The following MYCN variants were observed in gnomAD, a reference collection of about 807,000 sequenced individuals.
The protein encoded by MYCN is MYCN proto-oncogene, bHLH transcription factor, also known as N-myc proto-oncogene protein.
In MYCN, 3 loss-of-function variants were observed where a neutral mutation model predicts 28.1. The observed-to-expected ratio is 0.11, with a 90% CI of 0.05 to 0.28. The LOEUF is 0.28. MYCN is among the 10% of genes least tolerant of loss of function. MYCN has a pLI of 1.00. For synonymous variants in MYCN, 326 were observed against 288.3 expected (o/e 1.13, Z -1.32); for missense variants, 572 against 651.4 (o/e 0.88, Z 1.33).
chr2:15,941,879 G>C lies in MYCN; in HGVS notation c.-117-69G>C. 1.5e-6 allele frequency: 1 copy of C among 656,358 alleles called. No individual in the cohort carries two copies. The highest frequency in any genetic ancestry group is 1.9e-5 in the South Asian group (1 of 53,292). 40.7% of individuals were successfully genotyped at this position (656,358 alleles called of 1,614,324 possible). On this transcript the variant is annotated intron_variant, in intron 1 of 2. Transcript: ENST00000281043. The surrounding 1 kb of genome is among the most constrained non-coding windows in gnomAD (Gnocchi z 4.8). ...AAGATTGGGGAACCTGGTTAGAGGG[G>C]GCGCCCATTGCCTATCCCCTCGGTC...
In MYCN at chr2:15,942,664, C is replaced by G; in HGVS notation, c.600C>G (p.Arg200=). ...AVVFPFPVNK[R]EPAPVPAAPA... ...TCTTCCCCTTTCCCGTGAACAAGCG[C>G]GAGCCAGCGCCCGTGCCCGCAGCCC... The change falls in exon 2 of 3, where the codon CGC becomes CGG. Residue 200 remains arginine, a synonymous_variant. Transcript: ENST00000281043. This position sits in a 1 kb window ranked among gnomAD's most constrained non-coding sequence, Gnocchi z 7.0. 8.6e-7 allele frequency: 1 copy of G among 1,167,324 alleles called. No individual in the cohort carries two copies. Among genetic ancestry groups the G allele is most frequent in the Non-Finnish European group, 1.1e-6 (1 of 944,524 alleles). 72.3% of individuals were successfully genotyped at this position (1,167,324 alleles called of 1,614,324 possible). A position where few individuals can be genotyped will look rare whatever the true frequency, so the allele number is the denominator to read the frequency against.
At chr2:15,943,222 G>T (rs143746626) in intron 2 of MYCN, among the ~76,000 whole-genome samples, 51 of 152,180 alleles carry the variant, frequency 3.4e-4, no homozygotes, top group African/African-American at 1.1e-3. Context: ...GGGTTGCTGG[G>T]TGCACTGCCT....
rs1260679833 is a variant in MYCN at position 15,941,422 on chromosome 2, C to CT, written c.-117-525dup. The stretch of plus-strand genomic sequence containing the variant: ...GGATATGGGTGTCTGTTGTTGGTCT[C>CT]TGTCTAGAGAAAGGCTTTTTTTTAT... On this transcript the variant is annotated intron_variant, in intron 1 of 2. Coordinates refer to ENST00000281043, the MANE Select transcript of MYCN (RefSeq NM_005378.6). This position sits in a 1 kb window ranked among gnomAD's most constrained non-coding sequence, Gnocchi z 4.8. The CT allele has an allele frequency of 6.5e-6, 1 of 153,498 alleles. No individual in the cohort carries two copies. Among genetic ancestry groups the CT allele is most frequent in the East Asian group, 1.9e-4 (1 of 5,226 alleles). 9.5% of individuals were successfully genotyped at this position (153,498 alleles called of 1,614,324 possible).
chr2:15,945,637 G>C lies in MYCN; in HGVS notation c.935G>C (p.Arg312Thr), dbSNP rs200236475. 22 of 1,614,164 alleles carry C rather than the reference G, an allele frequency of 1.4e-5. No individual in the cohort carries two copies. The Admixed American group carries it at 2.7e-4, about 20-fold the overall frequency. The change falls in exon 3 of 3, where the codon AGG becomes ACG. Residue 312 changes from arginine (R) to threonine (T), a missense_variant. Physicochemically the swap from Arg to Thr is moderately conservative, Grantham distance 71 (BLOSUM62 -1). Around this residue, in one of 3 missense-constraint regions of MYCN, gnomAD observed 499 missense variants for 524.3 expected, o/e 0.95. Coordinates refer to ENST00000281043, the MANE Select transcript of MYCN (RefSeq NM_005378.6). This position sits in a 1 kb window ranked among gnomAD's most constrained non-coding sequence, Gnocchi z 4.8. ...RPKNAALGPG[R>T]AQSSELILKR... Reference sequence around the variant, plus strand: ...AAGAACGCAGCCCTGGGTCCCGGGAGGGCTCAGTCCAGCGAGCTGATCCTC... The same window carrying C: ...AAGAACGCAGCCCTGGGTCCCGGGACGGCTCAGTCCAGCGAGCTGATCCTC...
At chr2:15,944,471 G>C (rs1323444655) in intron 2 of MYCN, among the ~76,000 whole-genome samples, 5 of 152,122 alleles carry the variant, frequency 3.3e-5, no homozygotes, top group Admixed American at 3.3e-4. Flanking sequence ...ATGAAAAACT[G>C]TTTATTGTAT....
chr2:15,943,519 G>C (rs1662775823), intron 2 of MYCN, among the ~76,000 whole-genome samples: 3 of 151,930 alleles, frequency 2.0e-5, no homozygotes, highest in African/African-American at 7.3e-5. Context: ...CCAGCAGGCG[G>C]GCCCGGGATC....
At position 15,942,184 on chromosome 2, in the gene MYCN, C is replaced by G. The variant is rs749416324; in HGVS notation, c.120C>G (p.Pro40=). Residue 40 remains proline (P), a synonymous_variant, in exon 2 of 3, where the codon CCC becomes CCG. Coordinates refer to ENST00000281043, the MANE Select transcript of MYCN (RefSeq NM_005378.6). The surrounding 1 kb of genome is among the most constrained non-coding windows in gnomAD (Gnocchi z 7.0). ...PDEDDFYFGG[P]DSTPPGEDIW... is the part of the protein sequence containing the mutation. ...AAGATGACTTCTACTTCGGCGGCCC[C>G]GACTCGACCCCCCCGGGGGAGGACA... 4.3e-6 allele frequency: 7 copies of G among 1,613,768 alleles called. No individual in the cohort carries two copies. The South Asian group carries it at 5.5e-5, about 13-fold the overall frequency.
rs759320806 is a variant in MYCN at position 15,942,440 on chromosome 2, C to T, written c.376C>T (p.Leu126=). ...MWSGFSAREK[L]ERAVSEKLQH... ...GAGCGGCTTCTCCGCCCGCGAGAAG[C>T]TGGAGCGCGCCGTGAGCGAGAAGCT... is the stretch of plus-strand genomic sequence containing the variant. The change falls in exon 2 of 3, where the codon CTG becomes TTG. Residue 126 remains leucine (L), a synonymous_variant. Coordinates refer to ENST00000281043, the MANE Select transcript of MYCN (RefSeq NM_005378.6). The surrounding 1 kb of genome is among the most constrained non-coding windows in gnomAD (Gnocchi z 7.0). 3 of 1,597,946 alleles carry T rather than the reference C, an allele frequency of 1.9e-6. No homozygotes were observed. Among genetic ancestry groups the T allele is most frequent in the Non-Finnish European group, 2.5e-6 (3 of 1,177,600 alleles).
rs1362027588 is a variant in MYCN, at chr2:15,945,420, T to C, written c.791-73T>C. On this transcript the variant is annotated intron_variant, in intron 2 of 2. Transcript: ENST00000281043. This position sits in a 1 kb window ranked among gnomAD's most constrained non-coding sequence, Gnocchi z 4.8. ...GCCGGAAGAGACAGATAAGCATACA[T>C]ATTAACATGGATATATATGTGAATT... 1.3e-6 allele frequency: 2 copies of C among 1,525,264 alleles called. No homozygotes were observed. Among genetic ancestry groups the C allele is most frequent in the Admixed American group, 3.9e-5 (2 of 50,994 alleles). The allele number at this position is 1,525,264 out of a possible 1,614,324, so 94.5% of individuals were successfully genotyped here.
chr2:15,944,799 G>T (rs112085458), intron 2 of MYCN, among the ~76,000 whole-genome samples: 6 of 152,220 alleles, frequency 3.9e-5, no homozygotes, highest in Non-Finnish European at 8.8e-5. Flanking sequence ...GCTTAGAAAG[G>T]CTGGGTAACT....
chr2:15,940,647 GCA>G lies in MYCN; in HGVS notation c.-211_-210del, dbSNP rs1558532321. 5 of 400,356 alleles carry G rather than the reference GCA, an allele frequency of 1.2e-5. No individual in the cohort carries two copies. The highest frequency in any genetic ancestry group is 1.0e-4 in the African/African-American group (5 of 48,810). 24.8% of individuals were successfully genotyped at this position (400,356 alleles called of 1,614,324 possible). A position where few individuals can be genotyped will look rare whatever the true frequency, so the allele number is the denominator to read the frequency against. ...GCAAGCGCTAGCCAGGCGCAAGCGC[GCA>G]CAGACTGTAGCCATCCGAGGACACC... On this transcript the variant is annotated 5_prime_UTR_variant, in exon 1 of 3. An upstream open reading frame in the 5' UTR gains an earlier in-frame stop. Transcript: ENST00000281043.
In MYCN at chr2:15,945,428, T is replaced by C. The variant is rs1399886584; in HGVS notation, c.791-65T>C. The C allele has an allele frequency of 5.9e-6, 9 of 1,532,002 alleles. No individual in the cohort carries two copies. The highest frequency in any genetic ancestry group is 7.1e-6 in the Non-Finnish European group (8 of 1,129,586). The allele number at this position is 1,532,002 out of a possible 1,614,324, so 94.9% of individuals were successfully genotyped here. ...AGACAGATAAGCATACATATTAACA[T>C]GGATATATATGTGAATTTCATTCAA... On this transcript the variant is annotated intron_variant, in intron 2 of 2. Transcript: ENST00000281043. The surrounding 1 kb of genome is among the most constrained non-coding windows in gnomAD (Gnocchi z 4.8).
intron 2 of MYCN, among the ~76,000 whole-genome samples, chr2:15,943,403 C>T (rs1226759665): frequency 4.3e-5 from 6 of 138,402 alleles, no homozygotes; most frequent in Non-Finnish European, 7.7e-5. Context: ...TTTTCTTTTT[C>T]TTTTTTTTTT....
At position 15,946,324 on chromosome 2, in the gene MYCN, A is replaced by AT; in HGVS notation, c.*228dup. On this transcript the variant is annotated 3_prime_UTR_variant, in exon 3 of 3. Coordinates refer to ENST00000281043, the MANE Select transcript of MYCN (RefSeq NM_005378.6). ...CTGCAGCCTCCTCCACCTCACCTCC[A>AT]TGACAGCGCTAAACGTTGGTGACGG... 1 of 603,086 alleles carries AT rather than the reference A, an allele frequency of 1.7e-6. No individual in the cohort carries two copies. The highest frequency in any genetic ancestry group is 2.9e-5 in the East Asian group (1 of 34,258). The allele number at this position is 603,086 out of a possible 1,614,324, so 37.4% of individuals were successfully genotyped here.
At position 15,942,308 on chromosome 2, in the gene MYCN, C is replaced by T. The variant is rs769240539; in HGVS notation, c.244C>T (p.Leu82=). The T allele has an allele frequency of 1.2e-6, 2 of 1,609,818 alleles. No individual in the cohort carries two copies. The highest frequency in any genetic ancestry group is 1.7e-6 in the Non-Finnish European group (2 of 1,178,688). The change falls in exon 2 of 3, where the codon CTG becomes TTG. Residue 82 remains leucine (L), a synonymous_variant. Coordinates refer to ENST00000281043, the MANE Select transcript of MYCN (RefSeq NM_005378.6). The surrounding 1 kb of genome is among the most constrained non-coding windows in gnomAD (Gnocchi z 7.0). ...SEPPSWVTEM[L]LENELWGSPA... is the part of the protein sequence containing the mutation. ...GCCCCCGAGCTGGGTCACGGAGATG[C>T]TGCTTGAGAACGAGCTGTGGGGCAG...
At position 15,941,280 on chromosome 2, in the gene MYCN, T is replaced by G. The variant is rs1294927425; in HGVS notation, c.-118+537T>G. ...CCCTGGAAGAGGACGTTGTCGTGGGTTTGGAAGAGCAGGGGTGGGCTTAGA... is the reference window on the plus strand; with the variant it reads ...CCCTGGAAGAGGACGTTGTCGTGGGGTTGGAAGAGCAGGGGTGGGCTTAGA... On this transcript the variant is annotated intron_variant, in intron 1 of 2. Transcript: ENST00000281043. This position sits in a 1 kb window ranked among gnomAD's most constrained non-coding sequence, Gnocchi z 4.8. 3.9e-5 allele frequency: 6 copies of G among 152,326 alleles called. No homozygotes were observed. Among genetic ancestry groups the G allele is most frequent in the Admixed American group, 1.3e-4 (2 of 15,288 alleles). 9.4% of individuals were successfully genotyped at this position (152,326 alleles called of 1,614,324 possible).
In MYCN at chr2:15,942,950, AT is replaced by A; in HGVS notation, c.790+100del. 1.4e-6 allele frequency: 2 copies of A among 1,442,010 alleles called. No homozygotes were observed. The highest frequency in any genetic ancestry group is 2.1e-5 in the Admixed American group (1 of 48,764). The allele number at this position is 1,442,010 out of a possible 1,614,324, so 89.3% of individuals were successfully genotyped here. A position where few individuals can be genotyped will look rare whatever the true frequency, so the allele number is the denominator to read the frequency against. On this transcript the variant is annotated intron_variant, in intron 2 of 2. Coordinates refer to ENST00000281043, the MANE Select transcript of MYCN (RefSeq NM_005378.6). This position sits in a 1 kb window ranked among gnomAD's most constrained non-coding sequence, Gnocchi z 7.0. ...GCTCGTATGTCTTGGCCTGGGGAGC[AT>A]TTTGGAGGCAGTGCTAGGGGCAGAG...
rs1662869289 is a variant in MYCN at position 15,946,208 on chromosome 2, G to A, written c.*111G>A. 3 of 1,511,780 alleles carry A rather than the reference G, an allele frequency of 2.0e-6. No homozygotes were observed. Among genetic ancestry groups the A allele is most frequent in the Non-Finnish European group, 2.7e-6 (3 of 1,104,666 alleles). The allele number at this position is 1,511,780 out of a possible 1,614,324, so 93.6% of individuals were successfully genotyped here. On this transcript the variant is annotated 3_prime_UTR_variant, in exon 3 of 3. Transcript: ENST00000281043. ...TGGTTTACTTTCAAATCGGTCCCCT[G>A]TCGAGTTCGGCTCTGGGTGGGCAGT...
In MYCN at chr2:15,942,661, G is replaced by A. The variant is rs759788436; in HGVS notation, c.597G>A (p.Lys199=). ...TGGTCTTCCCCTTTCCCGTGAACAA[G>A]CGCGAGCCAGCGCCCGTGCCCGCAG... The part of the protein sequence containing the change: ...PAVVFPFPVN[K]REPAPVPAAP... The change falls in exon 2 of 3, where the codon AAG becomes AAA. Residue 199 remains lysine (K), a synonymous_variant. Coordinates refer to ENST00000281043, the MANE Select transcript of MYCN (RefSeq NM_005378.6). This position sits in a 1 kb window ranked among gnomAD's most constrained non-coding sequence, Gnocchi z 7.0. The A allele has an allele frequency of 1.7e-6, 2 of 1,164,586 alleles. No homozygotes were observed. The highest frequency in any genetic ancestry group is 2.1e-6 in the Non-Finnish European group (2 of 942,860). 72.1% of individuals were successfully genotyped at this position (1,164,586 alleles called of 1,614,324 possible). A position where few individuals can be genotyped will look rare whatever the true frequency, so the allele number is the denominator to read the frequency against.
Sources: allele counts gnomAD v4.1 joint callset (sites outside exome capture counted in the v4.1 genomes callset), GRCh38; gene constraint gnomAD v4.1.1; regional missense constraint gnomAD v4.1.1; non-coding constraint Gnocchi (gnomAD v3.1); transcripts MANE v1.5; gene names NCBI Gene and HGNC (gene_info 2026-07-23, HGNC 2026-07-21).